The following FAM107A variants were observed in gnomAD, a reference collection of about 807,000 sequenced individuals.
The protein encoded by FAM107A is family with sequence similarity 107 member A.
A neutral mutation model predicts 13.7 loss-of-function variants in FAM107A; 19 were observed. The observed-to-expected ratio is 1.38, with a 90% CI of 0.97 to 2.03. The LOEUF (loss-of-function observed/expected upper bound fraction) is 2.03. Among genes scored for constraint, FAM107A ranks in the 30% most tolerant of loss-of-function variants. The pLI is 0.00. For synonymous variants in FAM107A, 82 were observed against 74.5 expected (o/e 1.10, Z -0.52); for missense variants, 203 against 184.4 (o/e 1.10, Z -0.58).
At chr3:58,593,726 G>T (rs2065674295) in intron 1 of FAM107A, among the ~76,000 whole-genome samples, 1 of 151,968 alleles carries the variant, frequency 6.6e-6, no homozygotes, top group African/African-American at 2.4e-5. Flanking sequence ...AACAATTGCT[G>T]GCTTAGCATT....
rs565995362 is a variant in FAM107A, at chr3:58,604,758, A to G, written c.-69-15489T>C. The stretch of plus-strand genomic sequence containing the variant: ...ACTAGGTGCTTCAGGGTCTTCATCT[A>G]CTAACTCTGACCTCCAGACCATCTT... On this transcript the variant is annotated intron_variant, in intron 1 of 3. Transcript: ENST00000465970. This position sits in a 1 kb window ranked among gnomAD's most constrained non-coding sequence, Gnocchi z 4.1. 6.6e-6 allele frequency among the ~76,000 whole-genome samples: 1 copy of G among 152,336 alleles called. No homozygotes were observed. The highest frequency in any genetic ancestry group is 2.1e-4 in the South Asian group (1 of 4,826).
chr3:58,602,177 G>C (rs2065758300), intron 1 of FAM107A, among the ~76,000 whole-genome samples: 3 of 152,196 alleles, frequency 2.0e-5, no homozygotes, highest in Admixed American at 2.0e-4. Flanking sequence ...GCAGTTCTCA[G>C]CAGGTGAAAT....
chr3:58,624,999 G>C (rs1199881638), intron 1 of FAM107A, among the ~76,000 whole-genome samples: 1 of 151,956 alleles, frequency 6.6e-6, no homozygotes, highest in African/African-American at 2.4e-5. Flanking sequence ...TTGGGGTGGG[G>C]CTGAGGAAGA....
upstream of FAM107A, among the ~76,000 whole-genome samples, chr3:58,579,912 C>T (rs139477013): frequency 6.6e-6 from 1 of 152,216 alleles, no homozygotes; most frequent in African/African-American, 2.4e-5. Flanking sequence ...AGACTGCTAG[C>T]CCCAGGGCAG....
chr3:58,598,143 T>A (rs1386683148), intron 1 of FAM107A, among the ~76,000 whole-genome samples: 3 of 152,232 alleles, frequency 2.0e-5, no homozygotes, highest in Non-Finnish European at 4.4e-5. Context: ...TCCACCTCAG[T>A]GCTTCACTCT....
chr3:58,618,281 C>T (rs530805254), intron 1 of FAM107A, among the ~76,000 whole-genome samples: 1 of 152,328 alleles, frequency 6.6e-6, no homozygotes, highest in African/African-American at 2.4e-5. Flanking sequence ...CCCTTCATGG[C>T]TGTGAAATGG....
At chr3:58,571,782 G>A (rs949788580) in intron 1 of FAM107A, among the ~76,000 whole-genome samples, 5 of 152,160 alleles carry the variant, frequency 3.3e-5, no homozygotes, top group African/African-American at 4.8e-5. Flanking sequence ...CGTGACCTCA[G>A]CTCTCTTCCT....
At chr3:58,605,027 C>T (rs574810067) in intron 1 of FAM107A, among the ~76,000 whole-genome samples, 1 of 152,238 alleles carries the variant, frequency 6.6e-6, no homozygotes, top group Non-Finnish European at 1.5e-5. Context: ...AGTCCAGGCT[C>T]TTTCCAAGTC....
upstream of FAM107A, among the ~76,000 whole-genome samples, chr3:58,591,279 G>C (rs560635942): frequency 6.6e-6 from 1 of 152,176 alleles, no homozygotes; most frequent in African/African-American, 2.4e-5. The surrounding 1 kb of genome is among the most constrained non-coding windows in gnomAD (Gnocchi z 4.3). Context: ...GCTCAGTTCA[G>C]ACAGGTCTCA....
intron 1 of FAM107A, among the ~76,000 whole-genome samples, chr3:58,584,014 C>T (rs1211226372): frequency 6.6e-6 from 1 of 152,148 alleles, no homozygotes; most frequent in African/African-American, 2.4e-5. Flanking sequence ...GTAATGTCCT[C>T]CTTGGGGGCT....
chr3:58,571,711 C>T (rs2063685552), intron 1 of FAM107A, among the ~76,000 whole-genome samples: 1 of 152,198 alleles, frequency 6.6e-6, no homozygotes, highest in African/African-American at 2.4e-5. Flanking sequence ...GCTGCCTATT[C>T]CTATTGTCAA....
intron 1 of FAM107A, among the ~76,000 whole-genome samples, chr3:58,610,963 G>A (rs1181274654): frequency 6.6e-6 from 1 of 152,198 alleles, no homozygotes; most frequent in African/African-American, 2.4e-5. Context: ...GGCAGGAGTT[G>A]ATTGGATCAT....
chr3:58,619,259 C>T (rs1345049902), intron 1 of FAM107A, among the ~76,000 whole-genome samples: 2 of 152,170 alleles, frequency 1.3e-5, no homozygotes, highest in Admixed American at 6.5e-5. Flanking sequence ...CCTTGGCCTC[C>T]CAAACTGTTG....
chr3:58,609,647 C>A (rs556490889), intron 1 of FAM107A, among the ~76,000 whole-genome samples: 85 of 152,310 alleles, frequency 5.6e-4, no homozygotes, highest in African/African-American at 1.9e-3. Context: ...TCTCCTACAG[C>A]CGCTTTTTGT....
chr3:58,618,148 G>A (rs1452876049), intron 1 of FAM107A, among the ~76,000 whole-genome samples: 1 of 152,222 alleles, frequency 6.6e-6, no homozygotes, highest in Admixed American at 6.5e-5. Context: ...GACTGAGTGA[G>A]GCTCAAGGGG....
intron 1 of FAM107A, among the ~76,000 whole-genome samples, chr3:58,576,182 T>C (rs1234318970): frequency 6.6e-6 from 1 of 152,256 alleles, no homozygotes; most frequent in Admixed American, 6.5e-5. Context: ...TTCTGGTCGA[T>C]GCTCGGAAGC....
intron 1 of FAM107A, among the ~76,000 whole-genome samples, chr3:58,606,448 G>A (rs138822240): frequency 6.6e-6 from 1 of 152,190 alleles, no homozygotes; most frequent in Non-Finnish European, 1.5e-5. Flanking sequence ...GAACACTTTC[G>A]CTGTCTTACT....
chr3:58,575,696 GC>G (rs2063724935), intron 1 of FAM107A, among the ~76,000 whole-genome samples: 1 of 152,224 alleles, frequency 6.6e-6, no homozygotes, highest in Admixed American at 6.5e-5. Context: ...GGCTGTGTGA[GC>G]CCATTTTATA....
intron 1 of FAM107A, among the ~76,000 whole-genome samples, chr3:58,615,169 TC>T (rs764150291): frequency 7.2e-5 from 11 of 152,248 alleles, no homozygotes; most frequent in Non-Finnish European, 1.6e-4. Flanking sequence ...ACTACATCAT[TC>T]TCTATTACGT....
Sources: allele counts gnomAD v4.1 joint callset (sites outside exome capture counted in the v4.1 genomes callset), GRCh38; gene constraint gnomAD v4.1.1; non-coding constraint Gnocchi (gnomAD v3.1); transcripts MANE v1.5; gene names NCBI Gene and HGNC (gene_info 2026-07-23, HGNC 2026-07-21).